The following CHLSN variants were observed in gnomAD, a reference collection of about 807,000 sequenced individuals.
CHLSN encodes cholesin, also known as protein cholesin.
At chr7:1,100,690 T>C in the CHLSN span, among the ~76,000 whole-genome samples, 1 of 151,960 alleles carries the variant, frequency 6.6e-6, no homozygotes, top group Non-Finnish European at 1.5e-5. Flanking sequence ...AGGGGCCGTC[T>C]GTGAAATGTC....
chr7:1,071,083 T>C, the CHLSN span, among the ~76,000 whole-genome samples: 1 of 152,182 alleles, frequency 6.6e-6, no homozygotes, highest in African/African-American at 2.4e-5. Flanking sequence ...TGGAGTAGCC[T>C]CCTCCAGGGT....
At chr7:1,068,444 G>A in the CHLSN span, among the ~76,000 whole-genome samples, 10 of 152,152 alleles carry the variant, frequency 6.6e-5, no homozygotes, top group African/African-American at 2.4e-4. Flanking sequence ...GCGCTGAGTT[G>A]GACGCTGCCT....
At chr7:983,437 T>TGG in the CHLSN span, 5 of 1,370,372 alleles carry the variant, frequency 3.6e-6, no homozygotes, top group Non-Finnish European at 1.9e-6. Flanking sequence ...TGCCGTGTCC[T>TGG]GGCCCCCCTC....
At chr7:1,120,682 A>G in the CHLSN span, among the ~76,000 whole-genome samples, 4 of 152,238 alleles carry the variant, frequency 2.6e-5, no homozygotes, top group Non-Finnish European at 4.4e-5. Flanking sequence ...CACAGATGCA[A>G]ATGTTCACAG....
chr7:1,040,095 G>C, the CHLSN span, among the ~76,000 whole-genome samples: 2 of 124,090 alleles, frequency 1.6e-5, no homozygotes, highest in South Asian at 5.4e-4. Context: ...TTGTTTATCT[G>C]CTGACCTTCC....
At chr7:1,107,497 G>T in the CHLSN span, among the ~76,000 whole-genome samples, 1 of 152,038 alleles carries the variant, frequency 6.6e-6, no homozygotes, top group Admixed American at 6.6e-5. Flanking sequence ...TGAGATGAAG[G>T]TTCTGTCTCC....
the CHLSN span, chr7:1,010,036 C>G: frequency 6.2e-7 from 1 of 1,610,438 alleles, no homozygotes; most frequent in Admixed American, 1.7e-5. Flanking sequence ...GCAGACGCTG[C>G]CTCTCCTCTT....
At chr7:1,044,333 A>G in the CHLSN span, among the ~76,000 whole-genome samples, 1 of 152,260 alleles carries the variant, frequency 6.6e-6, no homozygotes. Context: ...GTGTCCTCCC[A>G]CAGGGAATCT....
chr7:1,083,417 G>A, the CHLSN span, among the ~76,000 whole-genome samples: 1 of 152,052 alleles, frequency 6.6e-6, no homozygotes, highest in Non-Finnish European at 1.5e-5. Context: ...GAGGTCAGGA[G>A]ATCGAGACCA....
the CHLSN span, among the ~76,000 whole-genome samples, chr7:1,097,407 G>T: frequency 6.6e-6 from 1 of 152,214 alleles, no homozygotes; most frequent in Non-Finnish European, 1.5e-5. This position sits in a 1 kb window ranked among gnomAD's most constrained non-coding sequence, Gnocchi z 4.3. Flanking sequence ...GCAGTAAGAT[G>T]AGTAAGAAGA....
chr7:997,676 G>T, the CHLSN span: 44 of 1,610,518 alleles, frequency 2.7e-5, no homozygotes, highest in East Asian at 4.5e-5. Context: ...TCCCCGGCAG[G>T]GGGGGATCAG....
chr7:1,115,636 G>A, the CHLSN span, among the ~76,000 whole-genome samples: 6 of 122,730 alleles, frequency 4.9e-5, 1 homozygote, highest in Non-Finnish European at 8.7e-5. Flanking sequence ...CAACGCCCAC[G>A]CAGGATGATG....
the CHLSN span, chr7:987,530 A>G: frequency 1.3e-6 from 2 of 1,519,118 alleles, no homozygotes; most frequent in Admixed American, 3.9e-5. Context: ...CTGCTCCCCA[A>G]GGTGGGGCTG....
the CHLSN span, chr7:983,308 C>T: frequency 3.2e-6 from 5 of 1,541,630 alleles, no homozygotes; most frequent in Non-Finnish European, 4.4e-6. Context: ...CCGGTGGCCC[C>T]CGGGGCCTCG....
chr7:1,061,545 G>A, the CHLSN span, among the ~76,000 whole-genome samples: 4 of 152,094 alleles, frequency 2.6e-5, no homozygotes, highest in Admixed American at 6.5e-5. Context: ...GAGCTGCGTC[G>A]CTGACTGTTC....
chr7:1,137,524 G>C, the CHLSN span: 3 of 152,438 alleles, frequency 2.0e-5, no homozygotes, highest in African/African-American at 7.2e-5. Context: ...GTGAGGCCAA[G>C]CGCGTTGGCT....
the CHLSN span, among the ~76,000 whole-genome samples, chr7:1,027,568 A>T: frequency 6.6e-6 from 1 of 152,264 alleles, no homozygotes; most frequent in Non-Finnish European, 1.5e-5. Flanking sequence ...AGCCTCTTGA[A>T]GGAGCTGCCG....
At chr7:1,137,993 C>G in the CHLSN span, 1 of 93,170 alleles carries the variant, frequency 1.1e-5, no homozygotes, top group Non-Finnish European at 2.0e-5. Context: ...GGAGCCCGCG[C>G]CGGGACGCAC....
the CHLSN span, among the ~76,000 whole-genome samples, chr7:1,016,912 GCGCACAGCAGCACACAGCAGCACACGC>G: frequency 1.2e-4 from 13 of 108,098 alleles, 1 homozygote; most frequent in African/African-American, 3.0e-4. Context: ...GCACACGCCA[GCGCACAGCAGCACACAGCAGCACACGC>G]CAGCACACGC....
Sources: gnomAD v4.1 joint callset for allele counts (sites outside exome capture counted in the v4.1 genomes callset) on GRCh38, gnomAD v4.1.1 for gene constraint, Gnocchi (gnomAD v3.1) non-coding constraint, MANE v1.5 for transcripts, NCBI Gene and HGNC (gene_info 2026-07-23, HGNC 2026-07-21) for gene names.